Variants in PXDC1 observed in about 807,000 individuals in gnomAD.
PXDC1 encodes the protein PX domain containing 1.
PXDC1 carries 13 observed loss-of-function variants against 24.4 expected under a neutral mutation model. That is an observed-to-expected ratio of 0.53 (90% confidence interval 0.35 to 0.85). The LOEUF is 0.85. PXDC1 is among the 40% of genes least tolerant of loss of function. PXDC1 has a pLI of 0.01. For synonymous variants in PXDC1, 162 were observed against 124.9 expected (o/e 1.30, Z -1.98); for missense variants, 344 against 309.3 (o/e 1.11, Z -0.84).
chr6:3,734,157 T>C (rs1760265207), intron 3 of PXDC1, among the ~76,000 whole-genome samples: 1 of 152,214 alleles, frequency 6.6e-6, no homozygotes, highest in Non-Finnish European at 1.5e-5. Context: ...TTCTCCCTGT[T>C]AAATTTCGTC....
At chr6:3,740,661 C>T (rs984967462) in intron 1 of PXDC1, among the ~76,000 whole-genome samples, 5 of 152,220 alleles carry the variant, frequency 3.3e-5, no homozygotes, top group African/African-American at 1.2e-4. Context: ...AACACACCCT[C>T]AAGCCAACCC....
In PXDC1 at chr6:3,737,849, C is replaced by T; in HGVS notation, c.348+208G>A. 3.4e-6 allele frequency: 1 copy of T among 295,698 alleles called. No homozygotes were observed. Among genetic ancestry groups the T allele is most frequent in the Non-Finnish European group, 5.0e-6 (1 of 199,554 alleles). 18.3% of individuals were successfully genotyped at this position (295,698 alleles called of 1,614,324 possible). A position where few individuals can be genotyped will look rare whatever the true frequency, so the allele number is the denominator to read the frequency against. ...CCCCAGGGAGGAAAAACCGGGGCCA[C>T]TGGAGCCCATGAAAGCCTTCTTTCT... is the stretch of plus-strand genomic sequence containing the variant. On this transcript the variant is annotated intron_variant, in intron 2 of 4. Transcript: ENST00000380283. This position sits in a 1 kb window ranked among gnomAD's most constrained non-coding sequence, Gnocchi z 5.5.
At chr6:3,736,661 C>G (rs999175892) in intron 3 of PXDC1, among the ~76,000 whole-genome samples, 2 of 152,338 alleles carry the variant, frequency 1.3e-5, no homozygotes, top group East Asian at 3.9e-4. Flanking sequence ...CCCACATCCA[C>G]GCTAAGGAGA....
intron 1 of PXDC1, chr6:3,739,157 T>C (rs12192982): frequency 3.4e-6 from 4 of 1,165,022 alleles, no homozygotes; most frequent in South Asian, 3.5e-5. Flanking sequence ...ATTCGTTGAA[T>C]AGGTCTATAA....
In PXDC1 at chr6:3,751,542, T is replaced by G. The variant is rs1220405766; in HGVS notation, c.-11A>C. ...CACCGCCGAGGCCATGTCGCACGCA[T>G]GCCCCCGCCAAGGGCTCCCCAGCCC... On this transcript the variant is annotated 5_prime_UTR_variant, in exon 1 of 5. It removes an upstream start codon present in the reference 5' UTR. Coordinates refer to ENST00000380283, the MANE Select transcript of PXDC1 (RefSeq NM_183373.4). The G allele has an allele frequency of 1.9e-6, 3 of 1,555,406 alleles. No individual in the cohort carries two copies. The African/African-American group carries it at 4.2e-5, about 22-fold the overall frequency.
intron 1 of PXDC1, among the ~76,000 whole-genome samples, chr6:3,741,808 C>A (rs916475886): frequency 6.6e-6 from 1 of 152,202 alleles, no homozygotes; most frequent in African/African-American, 2.4e-5. Flanking sequence ...GACAGCCTGG[C>A]CTTCCTAAAA....
intron 3 of PXDC1, among the ~76,000 whole-genome samples, chr6:3,731,680 G>A (rs1434383857): frequency 6.6e-6 from 1 of 152,218 alleles, no homozygotes; most frequent in Non-Finnish European, 1.5e-5. Flanking sequence ...GCTGCAATGA[G>A]TTGCTCTGTC....
intron 3 of PXDC1, among the ~76,000 whole-genome samples, chr6:3,733,684 CG>C (rs1561733823): frequency 3.3e-5 from 5 of 152,196 alleles, no homozygotes. Context: ...GCAACACCTC[CG>C]GGCCCCCAGA....
At chr6:3,723,776 T>C (rs781485516) in intron 4 of PXDC1, 40 bp from the exon 5 acceptor site, 2 of 1,549,310 alleles carry the variant, frequency 1.3e-6, no homozygotes, top group African/African-American at 2.7e-5. Context: ...TGGCTCATTG[T>C]TGGGATCAAC....
intron 1 of PXDC1, among the ~76,000 whole-genome samples, chr6:3,746,925 G>A (rs1290340843): frequency 6.6e-6 from 1 of 152,070 alleles, no homozygotes; most frequent in Non-Finnish European, 1.5e-5. Flanking sequence ...CCCTTTTCTG[G>A]TAATGTCCCA....
chr6:3,748,573 CAG>C (rs1270704234), intron 1 of PXDC1, among the ~76,000 whole-genome samples: 2 of 152,108 alleles, frequency 1.3e-5, no homozygotes, highest in East Asian at 1.9e-4. Flanking sequence ...TGTGTGTGTG[CAG>C]AGAGAGAAAA....
At chr6:3,730,461 C>T (rs1760170797) in intron 3 of PXDC1, among the ~76,000 whole-genome samples, 3 of 151,886 alleles carry the variant, frequency 2.0e-5, no homozygotes, top group Admixed American at 2.0e-4. Flanking sequence ...TACTTGGTCA[C>T]TTTAACAAAC....
At position 3,751,543 on chromosome 6, in the gene PXDC1, GC is replaced by G. The variant is rs765970920; in HGVS notation, c.-13del. ...ACCGCCGAGGCCATGTCGCACGCAT[GC>G]CCCCGCCAAGGGCTCCCCAGCCCCG... On this transcript the variant is annotated 5_prime_UTR_variant, in exon 1 of 5. Coordinates refer to ENST00000380283, the MANE Select transcript of PXDC1 (RefSeq NM_183373.4). The G allele has an allele frequency of 2.6e-6, 4 of 1,556,050 alleles. No individual in the cohort carries two copies. The East Asian group carries it at 9.8e-5, about 38-fold the overall frequency.
At chr6:3,745,124 C>G (rs1389420688) in intron 1 of PXDC1, among the ~76,000 whole-genome samples, 1 of 152,242 alleles carries the variant, frequency 6.6e-6, no homozygotes, top group Non-Finnish European at 1.5e-5. Context: ...AGGGATCCCA[C>G]TGAAGTTCGG....
Position 3,737,241 on chromosome 6 carries a change from C to A in PXDC1, c.349-45G>T, listed in dbSNP as rs201145054. The stretch of plus-strand genomic sequence containing the variant: ...TTACTAAAAACGATCAGCCTCTACA[C>A]GTTGGCCCTGTCTGTCTACCAAGAG... On this transcript the variant is annotated intron_variant, in intron 2 of 4. Transcript: ENST00000380283. This position sits in a 1 kb window ranked among gnomAD's most constrained non-coding sequence, Gnocchi z 5.5. 2.9e-6 allele frequency: 4 copies of A among 1,378,808 alleles called. No homozygotes were observed. In the South Asian group the frequency reaches 3.5e-5, roughly 12 times the overall value. 85.4% of individuals were successfully genotyped at this position (1,378,808 alleles called of 1,614,324 possible). A position where few individuals can be genotyped will look rare whatever the true frequency, so the allele number is the denominator to read the frequency against.
chr6:3,729,873 T>C (rs1429703606), intron 3 of PXDC1, among the ~76,000 whole-genome samples: 1 of 152,176 alleles, frequency 6.6e-6, no homozygotes, highest in Non-Finnish European at 1.5e-5. Flanking sequence ...AAAACAAATG[T>C]CACTGCTGCA....
Position 3,750,084 on chromosome 6 carries a change from C to G in PXDC1, c.256+1192G>C, listed in dbSNP as rs1279974006. On this transcript the variant is annotated intron_variant, in intron 1 of 4. Coordinates refer to ENST00000380283, the MANE Select transcript of PXDC1 (RefSeq NM_183373.4). ...GAAAGGCGGGCCTTCTCGCTCAGGG[C>G]CCCAACTCGCTGGCTGTGGGAGCCC... 4.6e-5 allele frequency among the ~76,000 whole-genome samples: 7 copies of G among 152,244 alleles called. No individual in the cohort carries two copies. In the East Asian group the frequency reaches 1.3e-3, roughly 29 times the overall value.
In PXDC1 at chr6:3,751,194, G is replaced by T; in HGVS notation, c.256+82C>A. 7 of 1,099,256 alleles carry T rather than the reference G, an allele frequency of 6.4e-6. No homozygotes were observed. The South Asian group carries it at 7.2e-5, about 11-fold the overall frequency. 68.1% of individuals were successfully genotyped at this position (1,099,256 alleles called of 1,614,324 possible). The stretch of plus-strand genomic sequence containing the variant: ...GGCAGAAAGGAGAAGTCGCAATCTC[G>T]GTTGAAGTCTCTTCCCCGCCTCCTT... On this transcript the variant is annotated intron_variant, in intron 1 of 4. Coordinates refer to ENST00000380283, the MANE Select transcript of PXDC1 (RefSeq NM_183373.4).
intron 3 of PXDC1, among the ~76,000 whole-genome samples, chr6:3,729,289 G>A (rs1429772233): frequency 6.6e-6 from 1 of 152,152 alleles, no homozygotes; most frequent in East Asian, 1.9e-4. Flanking sequence ...TCCATACGAA[G>A]AGAATTAGGG....
Sources: allele counts gnomAD v4.1 joint callset (sites outside exome capture counted in the v4.1 genomes callset), GRCh38; gene constraint gnomAD v4.1.1; non-coding constraint Gnocchi (gnomAD v3.1); transcripts MANE v1.5; gene names NCBI Gene and HGNC (gene_info 2026-07-23, HGNC 2026-07-21).